The following ZNF695 variants were observed in gnomAD, a reference collection of about 807,000 sequenced individuals.
ZNF695 encodes the protein zinc finger protein SBZF3.
In ZNF695, 11 loss-of-function variants were observed where a neutral mutation model predicts 11.2. The ratio of observed to expected loss-of-function variants is 0.98; its 90% CI spans 0.62 to 1.62. The LOEUF (loss-of-function observed/expected upper bound fraction) is 1.62, where lower values mean the gene tolerates loss of function less well. ZNF695 is among the 40% of genes most tolerant of loss of function. The pLI is 0.00. For missense variants in ZNF695, 559 were observed against 590.5 expected (o/e 0.95, Z 0.55); for synonymous variants, 190 against 201.4 (o/e 0.94, Z 0.48).
intron 3 of ZNF695, among the ~76,000 whole-genome samples, chr1:246,991,902 G>GTAC (rs990658347): frequency 2.6e-5 from 4 of 152,138 alleles, no homozygotes; most frequent in Admixed American, 2.6e-4. Flanking sequence ...TAAAGATAAT[G>GTAC]TACTACTTAT....
intron 5 of ZNF695, among the ~76,000 whole-genome samples, chr1:246,946,103 C>T (rs77733148): frequency 0.045 from 6,869 of 152,202 alleles, 438 homozygotes; most frequent in African/African-American, 0.14. Flanking sequence ...TTGTCTTTCC[C>T]CAGAAGGATG....
intron 3 of ZNF695, among the ~76,000 whole-genome samples, chr1:246,994,633 A>G (rs1017528340): frequency 6.6e-6 from 1 of 151,924 alleles, no homozygotes; most frequent in Non-Finnish European, 1.5e-5. Context: ...GTCAGGAGAT[A>G]GAGACCATCC....
At chr1:246,960,657 A>AG (rs1668140709) in intron 5 of ZNF695, among the ~76,000 whole-genome samples, 2 of 152,304 alleles carry the variant, frequency 1.3e-5, no homozygotes, top group African/African-American at 4.8e-5. Context: ...AGAATGGTAC[A>AG]GGCCAGGCAT....
intron 5 of ZNF695, among the ~76,000 whole-genome samples, chr1:246,947,818 T>G (rs1280219717): frequency 2.0e-5 from 3 of 152,188 alleles, no homozygotes; most frequent in Non-Finnish European, 4.4e-5. Flanking sequence ...TATCACAGCC[T>G]TCTATAATTC....
chr1:246,974,839 G>A (rs1668518351), intron 4 of ZNF695, among the ~76,000 whole-genome samples: 2 of 152,112 alleles, frequency 1.3e-5, no homozygotes, highest in Non-Finnish European at 2.9e-5. Flanking sequence ...CACCTCTCCT[G>A]CTGACCCACC....
At chr1:246,953,093 A>G (rs1667906220) in intron 5 of ZNF695, among the ~76,000 whole-genome samples, 1 of 152,068 alleles carries the variant, frequency 6.6e-6, no homozygotes, top group Admixed American at 6.5e-5. Context: ...TCGGTGTAAT[A>G]CTAAGTTTGT....
At chr1:246,989,445 GT>G (rs1558316281) in intron 3 of ZNF695, among the ~76,000 whole-genome samples, 1 of 152,012 alleles carries the variant, frequency 6.6e-6, no homozygotes, top group African/African-American at 2.4e-5. Context: ...TTCTTATCAC[GT>G]TAAAATACAT....
At chr1:246,950,332 T>G (rs968451252) in intron 5 of ZNF695, among the ~76,000 whole-genome samples, 2 of 152,206 alleles carry the variant, frequency 1.3e-5, no homozygotes, top group African/African-American at 4.8e-5. Flanking sequence ...GCCATTCTTT[T>G]TGATTATATA....
intron 5 of ZNF695, among the ~76,000 whole-genome samples, chr1:246,949,599 AG>A (rs1375996573): frequency 1.3e-4 from 19 of 149,152 alleles, no homozygotes; most frequent in East Asian, 3.9e-4. Context: ...TCAAAAAAAA[AG>A]AAAAAAAAAA....
chr1:247,006,161 G>A (rs1669527748), intron 1 of ZNF695, among the ~76,000 whole-genome samples: 1 of 150,510 alleles, frequency 6.6e-6, no homozygotes, highest in Admixed American at 6.7e-5. Flanking sequence ...GGAGGCAGAG[G>A]TTGCTGTGAG....
At chr1:246,967,426 A>G (rs1466327106) in intron 5 of ZNF695, 2 of 456,480 alleles carry the variant, frequency 4.4e-6, no homozygotes, top group East Asian at 1.4e-4. Context: ...TTCTGGATAT[A>G]GCTTAAAGGT....
intron 5 of ZNF695, among the ~76,000 whole-genome samples, chr1:246,959,791 T>C (rs1372539754): frequency 1.3e-5 from 2 of 152,176 alleles, no homozygotes; most frequent in Admixed American, 6.5e-5. Context: ...ATGTGCCACA[T>C]TCTGCACCAA....
chr1:246,964,650 C>T (rs1422520249), intron 5 of ZNF695, among the ~76,000 whole-genome samples: 1 of 152,230 alleles, frequency 6.6e-6, no homozygotes, highest in Admixed American at 6.5e-5. Context: ...GCAGGTGGAT[C>T]ACTTGAGGTC....
chr1:246,988,200 T>A lies in ZNF695; in HGVS notation c.315A>T (p.Ser105=). Residue 105 remains serine (S), a synonymous_variant, in exon 4 of 4, where the codon TCA becomes TCT. Coordinates refer to ENST00000339986, the MANE Select transcript of ZNF695 (RefSeq NM_020394.5). ...ATCTTCTCAGCATCACTTTTTGGAA[T>A]GAAACTTGCAGGCCCTGCTCTGGCA... ...DILPEQGLQV[S]FQKVMLRRYE... 1 of 1,603,012 alleles carries A rather than the reference T, an allele frequency of 6.2e-7. No homozygotes were observed. The highest frequency in any genetic ancestry group is 1.1e-5 in the South Asian group (1 of 88,544).
chr1:247,006,623 A>AT (rs112920780), intron 1 of ZNF695, among the ~76,000 whole-genome samples: 1 of 152,234 alleles, frequency 6.6e-6, no homozygotes, highest in African/African-American at 2.4e-5. Flanking sequence ...TCGTCTCAAA[A>AT]AAAATAAATA....
rs1668833843 is a variant in ZNF695, at chr1:246,985,899, T to C, written c.*1068A>G. The C allele has an allele frequency of 1.0e-6, 1 of 985,256 alleles. No individual in the cohort carries two copies. The highest frequency in any genetic ancestry group is 1.2e-6 in the Non-Finnish European group (1 of 829,930). The allele number at this position is 985,256 out of a possible 1,614,324, so 61.0% of individuals were successfully genotyped here. On this transcript the variant is annotated 3_prime_UTR_variant, in exon 4 of 4. Coordinates refer to ENST00000339986, the MANE Select transcript of ZNF695 (RefSeq NM_020394.5). ...AGGATATGAACAACACCCACCCGAA[T>C]ATAGAAGAAACTCTCACAGCTTTCA...
chr1:246,993,957 T>C (rs1363560022), intron 3 of ZNF695, among the ~76,000 whole-genome samples: 2 of 152,060 alleles, frequency 1.3e-5, no homozygotes, highest in African/African-American at 2.4e-5. Flanking sequence ...GCGGATCACT[T>C]GAGGTCGGGA....
intron 1 of ZNF695, among the ~76,000 whole-genome samples, chr1:247,001,512 G>C (rs1669381584): frequency 6.6e-6 from 1 of 151,776 alleles, no homozygotes; most frequent in Non-Finnish European, 1.5e-5. Flanking sequence ...AGGAGTTTGA[G>C]ACCAGCCTGG....
chr1:246,961,120 C>A (rs1668152699), intron 5 of ZNF695, among the ~76,000 whole-genome samples: 1 of 152,132 alleles, frequency 6.6e-6, no homozygotes, highest in Non-Finnish European at 1.5e-5. Context: ...TTAGCTATTT[C>A]AAAATCATGG....
Sources: allele counts gnomAD v4.1 joint callset (sites outside exome capture counted in the v4.1 genomes callset), GRCh38; gene constraint gnomAD v4.1.1; transcripts MANE v1.5; gene names NCBI Gene and HGNC (gene_info 2026-07-23, HGNC 2026-07-21).